SLC26A5: variants seen among roughly 807,000 people sequenced by gnomAD.
SLC26A5 encodes the protein prestin.
SLC26A5 carries 51 observed loss-of-function variants against 81.0 expected under a neutral mutation model. The observed-to-expected ratio is 0.63, with a 90% CI of 0.50 to 0.80. The LOEUF (loss-of-function observed/expected upper bound fraction) is 0.80, where lower values mean the gene tolerates loss of function less well. SLC26A5 is among the 30% of genes least tolerant of loss of function. The pLI is 0.00. For missense variants in SLC26A5, 771 were observed against 905.8 expected, an observed-to-expected ratio of 0.85 and a Z score of 1.91; for synonymous variants, 325 against 332.8, an observed-to-expected ratio of 0.98 and a Z score of 0.25.
At chr7:103,439,884 T>G (rs1160360323) in intron 2 of SLC26A5, among the ~76,000 whole-genome samples, 1 of 152,180 alleles carries the variant, frequency 6.6e-6, no homozygotes, top group Non-Finnish European at 1.5e-5. Context: ...TCAGGGCCTT[T>G]GCACTGGCCA....
intron 4 of SLC26A5, among the ~76,000 whole-genome samples, chr7:103,417,311 A>G (rs1824988366): frequency 6.7e-6 from 1 of 150,220 alleles, no homozygotes; most frequent in East Asian, 2.0e-4. Flanking sequence ...CGGAGGTTGC[A>G]GTGAGCCGAG....
chr7:103,407,819 G>A, intron 8 of SLC26A5, 32 bp downstream of exon 8: 1 of 1,611,922 alleles, frequency 6.2e-7, no homozygotes, highest in Non-Finnish European at 8.5e-7. Flanking sequence ...AGTTGTAGAA[G>A]CCGAGTAGGT....
chr7:103,359,138 CTTTTTTTTTTTTTTTTTTT>C (rs35936603), intron 19 of SLC26A5, among the ~76,000 whole-genome samples: 1 of 31,334 alleles, frequency 3.2e-5, no homozygotes, highest in South Asian at 3.7e-3. Flanking sequence ...CCATGTCTGG[CTTTTTTTTTTTTTTTTTTT>C]TTTTTTTTTT....
At chr7:103,406,253 T>C (rs556823553) in intron 8 of SLC26A5, among the ~76,000 whole-genome samples, 1 of 152,192 alleles carries the variant, frequency 6.6e-6, no homozygotes, top group African/African-American at 2.4e-5. Flanking sequence ...GCTAGCTCAG[T>C]GTCTGCCCAA....
intron 9 of SLC26A5, among the ~76,000 whole-genome samples, chr7:103,394,895 T>C (rs932775670): frequency 6.6e-6 from 1 of 152,216 alleles, no homozygotes; most frequent in Non-Finnish European, 1.5e-5. Context: ...TCTGCTTTTC[T>C]TTCCTGTTGC....
intron 7 of SLC26A5, among the ~76,000 whole-genome samples, chr7:103,409,637 TATA>T (rs1159217978): frequency 1.3e-5 from 2 of 152,218 alleles, no homozygotes; most frequent in African/African-American, 2.4e-5. Flanking sequence ...GTAAGGGGTC[TATA>T]TAATTAAAAG....
At chr7:103,403,920 C>T (rs1009440618) in intron 8 of SLC26A5, among the ~76,000 whole-genome samples, 4 of 152,198 alleles carry the variant, frequency 2.6e-5, no homozygotes, top group South Asian at 2.1e-4. Context: ...CGGTGGCTCA[C>T]GCCTGTAATC....
chr7:103,411,345 C>T, intron 6 of SLC26A5, 75 bp downstream of exon 6: 3 of 1,571,778 alleles, frequency 1.9e-6, no homozygotes, highest in Non-Finnish European at 2.6e-6. Flanking sequence ...TGTAGTAAGA[C>T]CAGCCAAGAG....
At chr7:103,440,882 G>T (rs1205359660) in intron 2 of SLC26A5, among the ~76,000 whole-genome samples, 3 of 152,172 alleles carry the variant, frequency 2.0e-5, no homozygotes, top group African/African-American at 7.2e-5. Flanking sequence ...CTGTGATTTA[G>T]AATTAAGTCA....
At chr7:103,393,636 A>G (rs1160026344) in intron 9 of SLC26A5, among the ~76,000 whole-genome samples, 2 of 151,926 alleles carry the variant, frequency 1.3e-5, no homozygotes, top group Non-Finnish European at 2.9e-5. Context: ...GGAAAGGAGC[A>G]GCAGAAGACT....
At chr7:103,409,167 A>G (rs1824285516) in intron 7 of SLC26A5, among the ~76,000 whole-genome samples, 1 of 152,238 alleles carries the variant, frequency 6.6e-6, no homozygotes, top group African/African-American at 2.4e-5. Context: ...ACAAATTGTA[A>G]TTGACTACAC....
intron 14 of SLC26A5, among the ~76,000 whole-genome samples, chr7:103,380,802 G>T (rs573711962): frequency 6.7e-6 from 1 of 149,216 alleles, no homozygotes; most frequent in Non-Finnish European, 1.5e-5. Context: ...CACATGATAC[G>T]CACACACCAT....
At chr7:103,443,764 C>T (rs1394627230) in intron 1 of SLC26A5, among the ~76,000 whole-genome samples, 3 of 152,194 alleles carry the variant, frequency 2.0e-5, no homozygotes, top group Non-Finnish European at 4.4e-5. Flanking sequence ...GTCATATCCA[C>T]TCAGTTTGTG....
downstream of SLC26A5, among the ~76,000 whole-genome samples, chr7:103,369,916 C>T (rs1280632900): frequency 6.6e-6 from 1 of 152,152 alleles, no homozygotes; most frequent in Non-Finnish European, 1.5e-5. Context: ...ATGCAATACA[C>T]CAGTATAATG....
At chr7:103,375,207 C>T (rs184371610) in intron 19 of SLC26A5, among the ~76,000 whole-genome samples, 43 of 150,272 alleles carry the variant, frequency 2.9e-4, no homozygotes, top group African/African-American at 9.3e-4. Context: ...ACCCTTTTTG[C>T]TTAATTTTTT....
At chr7:103,388,189 TAA>T (rs1371413020) in intron 14 of SLC26A5, among the ~76,000 whole-genome samples, 4 of 146,770 alleles carry the variant, frequency 2.7e-5, no homozygotes, top group African/African-American at 1.0e-4. Flanking sequence ...GCCCAGCCCA[TAA>T]AGTTTTTTTT....
At chr7:103,381,623 A>T (rs1821797799) in intron 14 of SLC26A5, among the ~76,000 whole-genome samples, 1 of 151,548 alleles carries the variant, frequency 6.6e-6, no homozygotes, top group African/African-American at 2.4e-5. Context: ...TACAATACAC[A>T]CACCACACAT....
intron 4 of SLC26A5, among the ~76,000 whole-genome samples, chr7:103,420,171 A>C (rs1429993915): frequency 2.0e-5 from 3 of 152,152 alleles, no homozygotes; most frequent in Admixed American, 6.5e-5. Context: ...CCTTAACAAC[A>C]ACCATAACAA....
At chr7:103,419,389 G>C (rs1370641286) in intron 4 of SLC26A5, among the ~76,000 whole-genome samples, 1 of 152,228 alleles carries the variant, frequency 6.6e-6, no homozygotes, top group African/African-American at 2.4e-5. Context: ...TCACACTGCT[G>C]GAACACTGCT....
Sources: gnomAD v4.1 joint callset for allele counts (sites outside exome capture counted in the v4.1 genomes callset) on GRCh38, gnomAD v4.1.1 for gene constraint, MANE v1.5 for transcripts, NCBI Gene and HGNC (gene_info 2026-07-23, HGNC 2026-07-21) for gene names.